Variants in GLCCI1 observed in about 807,000 individuals in gnomAD.
GLCCI1 encodes the protein glucocorticoid-induced transcript 1 protein.
A neutral mutation model predicts 52.2 loss-of-function variants in GLCCI1; 24 were observed. The ratio of observed to expected loss-of-function variants is 0.46; its 90% confidence interval spans 0.33 to 0.65. GLCCI1 has a LOEUF of 0.65. Ranked by LOEUF, GLCCI1 falls within the 30% of genes least tolerant of loss-of-function variation. The pLI is 0.02. For missense variants in GLCCI1, 704 were observed against 701.5 expected (o/e 1.00, Z -0.04); for synonymous variants, 310 against 276.5 (o/e 1.12, Z -1.20).
Position 8,059,045 on chromosome 7 carries a change from T to C in GLCCI1, c.814-1051T>C, listed in dbSNP as rs114784410. On this transcript the variant is annotated intron_variant, in intron 4 of 7. Coordinates refer to ENST00000223145, the MANE Select transcript of GLCCI1 (RefSeq NM_138426.4). ...GGTCTTCCTCCCCATTGTGTTCACT[T>C]TGAGTAGGCTGAGGAAGAGAAAAAA... Among the ~76,000 whole-genome samples the C allele has an allele frequency of 3.9e-3, 596 of 152,268 alleles. 5 individuals are homozygous for C. The highest frequency in any genetic ancestry group is 0.014 in the African/African-American group (561 of 41,548).
intron 5 of GLCCI1, among the ~76,000 whole-genome samples, chr7:8,069,484 G>A (rs11976097): frequency 1.1e-3 from 173 of 152,252 alleles, no homozygotes; most frequent in African/African-American, 3.5e-3. Context: ...ACACAGATCC[G>A]TTGCTACTGG....
At chr7:8,084,319 T>A (rs1185792257) in intron 6 of GLCCI1, among the ~76,000 whole-genome samples, 2 of 152,206 alleles carry the variant, frequency 1.3e-5, no homozygotes, top group Non-Finnish European at 2.9e-5. Flanking sequence ...AAAAGCCCTT[T>A]TATTATAAAC....
intron 2 of GLCCI1, among the ~76,000 whole-genome samples, chr7:8,012,937 T>C (rs1781299994): frequency 6.6e-6 from 1 of 152,200 alleles, no homozygotes; most frequent in Non-Finnish European, 1.5e-5. Context: ...TTTGATCCAT[T>C]TGAGTCCATT....
chr7:8,063,508 A>T (rs962780931), intron 5 of GLCCI1, among the ~76,000 whole-genome samples: 1 of 150,978 alleles, frequency 6.6e-6, no homozygotes, highest in Non-Finnish European at 1.5e-5. Flanking sequence ...TGTGGTTTTG[A>T]CTTGCATTTT....
chr7:8,061,547 TGTAC>T (rs1562446568), intron 5 of GLCCI1, among the ~76,000 whole-genome samples: 2 of 152,154 alleles, frequency 1.3e-5, no homozygotes, highest in Non-Finnish European at 2.9e-5. Context: ...CCCAAAAGGT[TGTAC>T]TATTTGACTC....
chr7:8,086,308 G>T lies in GLCCI1; in HGVS notation c.1414G>T (p.Ala472Ser). The T allele has an allele frequency of 6.2e-7, 1 of 1,613,986 alleles. No individual in the cohort carries two copies. Among genetic ancestry groups the T allele is most frequent in the East Asian group, 2.2e-5 (1 of 44,888 alleles). Residue 472 changes from alanine to serine, a missense_variant, in exon 8 of 8, where the codon GCT becomes TCT. Transcript: ENST00000223145. This position sits in a 1 kb window ranked among gnomAD's most constrained non-coding sequence, Gnocchi z 4.4. ...PVKLLGPLLP[A>S]SDLMLKNSPN... is the part of the protein sequence containing the mutation. ...AAAACTTCTAGGCCCCCTCTTACCT[G>T]CTTCTGACCTTATGCTCAAGAACTC...
chr7:7,990,741 A>C (rs1780824035), intron 1 of GLCCI1, among the ~76,000 whole-genome samples: 1 of 152,108 alleles, frequency 6.6e-6, no homozygotes. Flanking sequence ...ATTTTGGATA[A>C]GCTACTGCTT....
rs558581234 is a variant in GLCCI1 at position 8,051,019 on chromosome 7, T to C, written c.697-4414T>C. On this transcript the variant is annotated intron_variant, in intron 3 of 7. Transcript: ENST00000223145. ...AAATTTTAATGATGCTTTTTTATTG[T>C]TAATTGACACAGTCATCAAACTGGC... is the stretch of plus-strand genomic sequence containing the variant. Among the ~76,000 whole-genome samples the C allele has an allele frequency of 2.6e-5, 4 of 152,326 alleles. No individual in the cohort carries two copies. The South Asian group carries it at 8.3e-4, about 32-fold the overall frequency.
chr7:7,982,355 C>A (rs972287631), intron 1 of GLCCI1: 1 of 176,616 alleles, frequency 5.7e-6, no homozygotes, highest in East Asian at 1.8e-4. Flanking sequence ...GGATTATCAC[C>A]CTTTAGATTA....
At chr7:8,017,863 A>G (rs1455705997) in intron 2 of GLCCI1, among the ~76,000 whole-genome samples, 5 of 152,168 alleles carry the variant, frequency 3.3e-5, no homozygotes, top group East Asian at 3.8e-4. Context: ...TAGAACCACA[A>G]TCTTTTGTGC....
chr7:8,038,531 C>T (rs1781921233), intron 3 of GLCCI1, among the ~76,000 whole-genome samples: 1 of 152,106 alleles, frequency 6.6e-6, no homozygotes, highest in African/African-American at 2.4e-5. Flanking sequence ...ATAAATGGTC[C>T]TGGGAAAATT....
chr7:8,023,038 C>T (rs181425223), intron 3 of GLCCI1, among the ~76,000 whole-genome samples: 179 of 152,262 alleles, frequency 1.2e-3, no homozygotes, highest in African/African-American at 4.0e-3. Context: ...TTATTTGAGA[C>T]GGAGTCTCGC....
intron 2 of GLCCI1, among the ~76,000 whole-genome samples, chr7:8,006,462 C>G (rs890413705): frequency 6.6e-6 from 1 of 152,094 alleles, no homozygotes; most frequent in African/African-American, 2.4e-5. Flanking sequence ...TTAATAAAAC[C>G]TAACCCATAA....
intron 5 of GLCCI1, among the ~76,000 whole-genome samples, chr7:8,067,619 C>T (rs1782659925): frequency 6.6e-6 from 1 of 152,234 alleles, no homozygotes; most frequent in Middle Eastern, 3.4e-3. Context: ...CTTATTTGTC[C>T]TGTGCTTATG....
Position 8,060,212 on chromosome 7 carries a change from C to T in GLCCI1, c.930C>T (p.Phe310=), listed in dbSNP as rs1782482841. ...TAAGTCCTGAATTAGAAAAGGTATT[C>T]ATTAAAGAAAATAATGGGAAGGAAG... ...EGISPELEKV[F]IKENNGKEEV... Residue 310 remains phenylalanine (F), a synonymous_variant, in exon 5 of 8, where the codon TTC becomes TTT. Transcript: ENST00000223145. The T allele has an allele frequency of 6.2e-7, 1 of 1,611,462 alleles. No individual in the cohort carries two copies. Among genetic ancestry groups the T allele is most frequent in the Non-Finnish European group, 8.5e-7 (1 of 1,177,844 alleles).
intron 1 of GLCCI1, among the ~76,000 whole-genome samples, chr7:7,990,471 T>G (rs183597261): frequency 6.6e-6 from 1 of 152,246 alleles, no homozygotes; most frequent in African/African-American, 2.4e-5. Flanking sequence ...TATGACACTT[T>G]GCCCTACACT....
At chr7:8,022,653 A>G in intron 3 of GLCCI1, 84 bp downstream of exon 3, 1 of 726,602 alleles carries the variant, frequency 1.4e-6, no homozygotes, top group South Asian at 2.6e-5. Flanking sequence ...TGACACTTTT[A>G]AAATTTATCC....
intron 1 of GLCCI1, among the ~76,000 whole-genome samples, chr7:7,985,087 A>T (rs1160927285): frequency 6.6e-6 from 1 of 152,220 alleles, no homozygotes; most frequent in Non-Finnish European, 1.5e-5. Context: ...AGGGGGACAG[A>T]GCAGTAAGTA....
chr7:7,978,509 ATTTC>A (rs1293374767), intron 1 of GLCCI1, among the ~76,000 whole-genome samples: 4 of 152,066 alleles, frequency 2.6e-5, no homozygotes, highest in African/African-American at 7.2e-5. Flanking sequence ...TATTTTAATA[ATTTC>A]TTCTGGGGTG....
Sources: gnomAD v4.1 joint callset for allele counts (sites outside exome capture counted in the v4.1 genomes callset) on GRCh38, gnomAD v4.1.1 for gene constraint, Gnocchi (gnomAD v3.1) non-coding constraint, MANE v1.5 for transcripts, NCBI Gene and HGNC (gene_info 2026-07-23, HGNC 2026-07-21) for gene names.